OCA2: variants seen among roughly 807,000 people sequenced by gnomAD.
OCA2 encodes the protein OCA2 melanosomal transmembrane protein, also known as P protein.
A neutral mutation model predicts 100.2 loss-of-function variants in OCA2; 77 were observed. The ratio of observed to expected loss-of-function variants is 0.77; its 90% CI spans 0.64 to 0.93. The LOEUF is 0.93. Ranked by LOEUF, OCA2 falls within the 40% of genes least tolerant of loss-of-function variation. OCA2 has a pLI of 0.00. For synonymous variants in OCA2, 432 were observed against 439.2 expected (o/e 0.98, Z 0.21); for missense variants, 1,062 against 1,089.1 (o/e 0.98, Z 0.35).
intron 2 of OCA2, among the ~76,000 whole-genome samples, chr15:28,032,753 A>G (rs1039828295): frequency 6.7e-6 from 1 of 148,596 alleles, no homozygotes; most frequent in African/African-American, 2.5e-5. Flanking sequence ...AGATTGCACC[A>G]CTGCACTCCA....
intron 23 of OCA2, among the ~76,000 whole-genome samples, chr15:27,830,973 A>G (rs2034926035): frequency 2.0e-5 from 3 of 152,146 alleles, no homozygotes; most frequent in Admixed American, 6.5e-5. Context: ...GCTGTAGCCA[A>G]TTTTACTTAT....
Position 27,844,994 on chromosome 15 carries a change from C to T in OCA2, c.2397G>A (p.Gln799=), listed in dbSNP as rs757476391. Reference sequence around the variant, plus strand: ...CCATGAAGGAGAACCCATATCCATGCTGTTCTGCAATCCCTGCACACACGA... The same window carrying T: ...CCATGAAGGAGAACCCATATCCATGTTGTTCTGCAATCCCTGCACACACGA... The part of the protein sequence containing the change: ...ANVVCAGIAE[Q]HGYGFSFMEF... Residue 799 remains glutamine, a synonymous_variant, in exon 23 of 24, where the codon CAG becomes CAA. Transcript: ENST00000354638. 1 of 1,613,666 alleles carries T rather than the reference C, an allele frequency of 6.2e-7. No homozygotes were observed. Among genetic ancestry groups the T allele is most frequent in the Non-Finnish European group, 8.5e-7 (1 of 1,179,658 alleles).
intron 2 of OCA2, among the ~76,000 whole-genome samples, chr15:28,047,846 A>T (rs143846919): frequency 7.8e-4 from 119 of 152,368 alleles, no homozygotes; most frequent in African/African-American, 2.8e-3. Flanking sequence ...TGCAGACATG[A>T]TCCCATGAAT....
At chr15:27,986,713 T>A (rs1394648199) in intron 11 of OCA2, 70 bp from the exon 12 acceptor site, 2 of 1,021,232 alleles carry the variant, frequency 2.0e-6, no homozygotes, top group Non-Finnish European at 1.6e-6. Context: ...ATCAGCATGA[T>A]CCCTTACACA....
intron 23 of OCA2, among the ~76,000 whole-genome samples, chr15:27,817,576 C>A (rs1442295778): frequency 6.6e-6 from 1 of 152,280 alleles, no homozygotes; most frequent in Middle Eastern, 3.4e-3. Flanking sequence ...TTGCCCCAAC[C>A]AATCGACCAC....
At chr15:27,848,987 T>TGTGAACACAGCCATGTGCTGCCTGGATTG in intron 22 of OCA2, among the ~76,000 whole-genome samples, 1 of 82,238 alleles carries the variant, frequency 1.2e-5, no homozygotes, top group South Asian at 3.9e-4. Context: ...TGCCTGGGTT[T>TGTGAACACAGCCATGTGCTGCCTGGATTG]GTGTGAACAC....
At chr15:27,969,230 G>GA (rs1392374652) in intron 14 of OCA2, among the ~76,000 whole-genome samples, 295 of 140,122 alleles carry the variant, frequency 2.1e-3, no homozygotes, top group African/African-American at 6.0e-3. Context: ...GTAGATAAAA[G>GA]AAAAAAAAAA....
chr15:27,846,988 G>C (rs552189347), intron 22 of OCA2, among the ~76,000 whole-genome samples: 1 of 152,268 alleles, frequency 6.6e-6, no homozygotes, highest in South Asian at 2.1e-4. Context: ...ATCTTCTCAG[G>C]AGTGTCGTGT....
chr15:28,067,942 C>T (rs1350450107), intron 2 of OCA2, among the ~76,000 whole-genome samples: 1 of 152,094 alleles, frequency 6.6e-6, no homozygotes, highest in Non-Finnish European at 1.5e-5. Flanking sequence ...GTTGAAATCT[C>T]CCACTATTAT....
chr15:28,029,356 GAAAT>G (rs1487948221), intron 3 of OCA2, among the ~76,000 whole-genome samples: 1 of 151,998 alleles, frequency 6.6e-6, no homozygotes, highest in Non-Finnish European at 1.5e-5. Flanking sequence ...AGGTGTGTGA[GAAAT>G]AATATCACAC....
intron 23 of OCA2, among the ~76,000 whole-genome samples, chr15:27,759,171 A>G (rs2030631282): frequency 6.6e-6 from 1 of 152,214 alleles, no homozygotes; most frequent in Admixed American, 6.5e-5. Flanking sequence ...TTGATAAAAG[A>G]CATGAACAAT....
chr15:27,951,714 G>A, intron 18 of OCA2, 70 bp downstream of exon 18: 1 of 1,140,792 alleles, frequency 8.8e-7, no homozygotes. Context: ...TCAGTGTCTG[G>A]GAACAGGCTC....
In OCA2 at chr15:27,966,726, T is replaced by C. The variant is rs757516465; in HGVS notation, c.1600A>G (p.Arg534Gly). The C allele has an allele frequency of 6.2e-7, 1 of 1,614,032 alleles. No individual in the cohort carries two copies. The highest frequency in any genetic ancestry group is 8.5e-7 in the Non-Finnish European group (1 of 1,180,026). Residue 534 changes from arginine to glycine, a missense_variant, in exon 15 of 24, where the codon AGA (arginine) becomes GGA (glycine). Arg to Gly is a moderately radical substitution (Grantham distance 125, BLOSUM62 -2). Transcript: ENST00000354638. ...FPLLRLLYWNRKLYNKEPSEI... is the reference protein window; with the variant it reads ...FPLLRLLYWNGKLYNKEPSEI... ...CTGGGTTCCTTGTTATAAAGCTTTC[T>C]GTTCCAGTAAAGGAGTCTGAGGAGC...
intron 9 of OCA2, among the ~76,000 whole-genome samples, chr15:28,010,624 G>C (rs1388328606): frequency 6.6e-6 from 1 of 151,980 alleles, no homozygotes; most frequent in Non-Finnish European, 1.5e-5. Context: ...CCAAAGAAAA[G>C]GAAACACTTA....
At chr15:27,778,091 A>T (rs994612158) in intron 23 of OCA2, among the ~76,000 whole-genome samples, 2 of 152,194 alleles carry the variant, frequency 1.3e-5, no homozygotes, top group Non-Finnish European at 2.9e-5. Flanking sequence ...TATTAAATTG[A>T]CCCTATTTTA....
intron 19 of OCA2, among the ~76,000 whole-genome samples, chr15:27,915,198 C>A (rs1368899222): frequency 6.6e-6 from 1 of 152,124 alleles, no homozygotes; most frequent in Non-Finnish European, 1.5e-5. Flanking sequence ...CCATCACATA[C>A]AAAAATCAAC....
intron 11 of OCA2, 75 bp from the exon 12 acceptor site, chr15:27,986,718 T>C (rs1295561842): frequency 7.0e-6 from 7 of 997,464 alleles, no homozygotes; most frequent in Non-Finnish European, 1.1e-5. Flanking sequence ...CATGATCCCT[T>C]ACACATTTGA....
chr15:27,764,170 C>T (rs528205595), intron 23 of OCA2, among the ~76,000 whole-genome samples: 6 of 141,856 alleles, frequency 4.2e-5, no homozygotes, highest in South Asian at 2.3e-4. Flanking sequence ...AGGAGGGAGA[C>T]GGGGAGAGAG....
At chr15:28,095,974 C>A (rs561562627) in intron 1 of OCA2, among the ~76,000 whole-genome samples, 1 of 152,226 alleles carries the variant, frequency 6.6e-6, no homozygotes, top group Non-Finnish European at 1.5e-5. Context: ...CAAGGCGTCC[C>A]TCTGAGCGAG....
Sources: allele counts gnomAD v4.1 joint callset (sites outside exome capture counted in the v4.1 genomes callset), GRCh38; gene constraint gnomAD v4.1.1; transcripts MANE v1.5; gene names NCBI Gene and HGNC (gene_info 2026-07-23, HGNC 2026-07-21).